Variants in KNTC1 observed in about 807,000 individuals in gnomAD.
The protein encoded by KNTC1 is kinetochore associated 1, also known as kinetochore-associated protein 1.
KNTC1 carries 253 observed loss-of-function variants against 314.4 expected under a neutral mutation model. The ratio of observed to expected loss-of-function variants is 0.80; its 90% CI spans 0.73 to 0.89. KNTC1 has a LOEUF of 0.89. Ranked by LOEUF, KNTC1 falls within the 40% of genes least tolerant of loss-of-function variation. The pLI is 0.00. For synonymous variants in KNTC1, 901 were observed against 901.4 expected, an observed-to-expected ratio of 1.00 and a Z score of 0.01; for missense variants, 2,475 against 2,572.9, an observed-to-expected ratio of 0.96 and a Z score of 0.82.
At chr12:122,596,389 T>C (rs1871057899) in intron 43 of KNTC1, among the ~76,000 whole-genome samples, 1 of 151,980 alleles carries the variant, frequency 6.6e-6, no homozygotes, top group Non-Finnish European at 1.5e-5. Context: ...GGCCTAATTT[T>C]TGTATTTTTG....
chr12:122,574,831 AC>A (rs1180363853), intron 27 of KNTC1, among the ~76,000 whole-genome samples: 1 of 152,246 alleles, frequency 6.6e-6, no homozygotes, highest in Non-Finnish European at 1.5e-5. Context: ...GGTTATGCAA[AC>A]ATGGAGACTT....
chr12:122,537,821 A>G (rs930259917), intron 3 of KNTC1, among the ~76,000 whole-genome samples: 24 of 152,108 alleles, frequency 1.6e-4, no homozygotes, highest in African/African-American at 5.8e-4. Context: ...AGTTTACCAT[A>G]TAGTAAGTGC....
In KNTC1 at chr12:122,613,753, G is replaced by A. The variant is rs759532010; in HGVS notation, c.5869G>A (p.Glu1957Lys). 2.6e-5 allele frequency: 42 copies of A among 1,609,160 alleles called. No homozygotes were observed. Among genetic ancestry groups the A allele is most frequent in the South Asian group, 3.3e-5 (3 of 89,930 alleles). Residue 1957 changes from glutamate (E) to lysine (K), a missense_variant, in exon 55 of 64, where the codon GAG becomes AAG. Coordinates refer to ENST00000333479, the MANE Select transcript of KNTC1 (RefSeq NM_014708.6). ...GGGTCTGTGGAAAAACCACAGCCAC[G>A]AGTCCATGGTAGGTACACCTCACTG... ...IKGLWKNHSH[E>K]SMAVRLVTEL... is the part of the protein sequence containing the mutation.
intron 57 of KNTC1, among the ~76,000 whole-genome samples, chr12:122,616,083 G>A (rs1487651393): frequency 6.6e-6 from 1 of 152,014 alleles, no homozygotes; most frequent in Non-Finnish European, 1.5e-5. Flanking sequence ...CACATAAGTT[G>A]TGTACCCATA....
rs774374096 is a variant in KNTC1, at chr12:122,601,607, CAATATT to C, written c.4645_4650del (p.Ile1549_Asn1550del). 22 of 1,526,742 alleles carry C rather than the reference CAATATT, an allele frequency of 1.4e-5. No individual in the cohort carries two copies. The South Asian group carries it at 2.7e-4, about 19-fold the overall frequency. 94.6% of individuals were successfully genotyped at this position (1,526,742 alleles called of 1,614,324 possible). On this transcript the variant is annotated inframe_deletion, in exon 45 of 64. Coordinates refer to ENST00000333479, the MANE Select transcript of KNTC1 (RefSeq NM_014708.6). ...TAGAACGAGCTGATGAAAAGATAAC[CAATATT>C]AATATTAATCAGGTATAACAAATAT...
At position 122,609,375 on chromosome 12, in the gene KNTC1, T is replaced by A. The variant is rs1353732862; in HGVS notation, c.5497-9T>A. On this transcript the variant is annotated splice_polypyrimidine_tract_variant and intron_variant, in intron 51 of 63. Coordinates refer to ENST00000333479, the MANE Select transcript of KNTC1 (RefSeq NM_014708.6). ...CAGTTTTTGACCTTTTTTTCCTACC[T>A]TTTCAAAGAAACCATCAGAATTATT... The A allele has an allele frequency of 6.4e-7, 1 of 1,563,366 alleles. No individual in the cohort carries two copies.
intron 1 of KNTC1, among the ~76,000 whole-genome samples, chr12:122,528,159 T>A (rs1443003508): frequency 6.6e-6 from 1 of 152,166 alleles, no homozygotes; most frequent in East Asian, 1.9e-4. Flanking sequence ...AATAAGTAAA[T>A]ATGGCAGTTA....
At chr12:122,598,425 T>TC (rs1311951332) in intron 44 of KNTC1, among the ~76,000 whole-genome samples, 32 of 146,830 alleles carry the variant, frequency 2.2e-4, no homozygotes, top group African/African-American at 6.0e-4. Context: ...TCTTTTCTTT[T>TC]TTTTTTTTTT....
chr12:122,536,088 A>G (rs1961797663), intron 3 of KNTC1, among the ~76,000 whole-genome samples: 1 of 145,562 alleles, frequency 6.9e-6, no homozygotes, highest in South Asian at 2.2e-4. Flanking sequence ...TTTTTTTAGT[A>G]GAGACAGCAT....
chr12:122,622,576 G>A lies in KNTC1; in HGVS notation c.6484G>A (p.Glu2162Lys). 6.4e-7 allele frequency: 1 copy of A among 1,558,090 alleles called. No individual in the cohort carries two copies. Among genetic ancestry groups the A allele is most frequent in the Non-Finnish European group, 8.7e-7 (1 of 1,150,764 alleles). ...TGCGATGAATACCAACAATATCACT[G>A]AGCTAGTGAACTATTTGGCAAATGA... ...MHAMNTNNIT[E>K]LVNYLANDLS... is the part of the protein sequence containing the mutation. The change falls in exon 62 of 64, where the codon GAG (glutamate) becomes AAG (lysine). Residue 2162 changes from glutamate to lysine, a missense_variant. Coordinates refer to ENST00000333479, the MANE Select transcript of KNTC1 (RefSeq NM_014708.6).
chr12:122,559,076 C>T (rs1025629468), intron 18 of KNTC1, among the ~76,000 whole-genome samples: 7 of 151,986 alleles, frequency 4.6e-5, no homozygotes, highest in Non-Finnish European at 7.4e-5. Flanking sequence ...GGGCTGGGCA[C>T]GTTGTTTCAC....
At chr12:122,623,627 C>T (rs781001129) in intron 62 of KNTC1, among the ~76,000 whole-genome samples, 4 of 152,174 alleles carry the variant, frequency 2.6e-5, no homozygotes, top group Non-Finnish European at 5.9e-5. Flanking sequence ...TCACCACAAT[C>T]AAGAGAGTGA....
Position 122,602,812 on chromosome 12 carries a change from C to A in KNTC1, c.4826-17C>A, listed in dbSNP as rs1417553284. On this transcript the variant is annotated splice_polypyrimidine_tract_variant and intron_variant, in intron 46 of 63. Coordinates refer to ENST00000333479, the MANE Select transcript of KNTC1 (RefSeq NM_014708.6). ...TTTTTTCTTAAGCAAATCGTACTTT[C>A]CTTGTTTCCTTTCTAGCTACAGAAC... 2 of 1,611,768 alleles carry A rather than the reference C, an allele frequency of 1.2e-6. No individual in the cohort carries two copies. Among genetic ancestry groups the A allele is most frequent in the African/African-American group, 2.7e-5 (2 of 74,774 alleles).
rs1417899482 is a variant in KNTC1 at position 122,597,781 on chromosome 12, T to C, written c.4406T>C (p.Leu1469Pro). 1.2e-6 allele frequency: 2 copies of C among 1,613,888 alleles called. No homozygotes were observed. The highest frequency in any genetic ancestry group is 2.7e-5 in the African/African-American group (2 of 74,938). ...GTTCTTCAGCTCTTCATTGAAACGC[T>C]GCTCCACAACACAAATGCCGGCCAA... is the stretch of plus-strand genomic sequence containing the variant. ...DAVLQLFIET[L>P]LHNTNAGQGQ... The change falls in exon 44 of 64, where the codon CTG becomes CCG. Residue 1469 changes from leucine (L) to proline (P), a missense_variant. By Grantham distance (98) the Leu-to-Pro change is moderately conservative. Transcript: ENST00000333479.
Position 122,622,554 on chromosome 12 carries a change from G to A in KNTC1, c.6462G>A (p.Ala2154=), listed in dbSNP as rs538519234. 1.1e-5 allele frequency: 17 copies of A among 1,571,762 alleles called. No individual in the cohort carries two copies. Among genetic ancestry groups the A allele is most frequent in the South Asian group, 5.8e-5 (5 of 85,702 alleles). ...ACTTTCAAATGTTGAAGATGCATGCGATGAATACCAACAATATCACTGAGC... is the reference window on the plus strand; with the variant it reads ...ACTTTCAAATGTTGAAGATGCATGCAATGAATACCAACAATATCACTGAGC... ...TKYFQMLKMH[A]MNTNNITELV... Residue 2154 remains alanine, a synonymous_variant, in exon 62 of 64, where the codon GCG becomes GCA. Transcript: ENST00000333479.
Position 122,575,528 on chromosome 12 carries a change from G to C in KNTC1, c.2383-15G>C, listed in dbSNP as rs867058564. On this transcript the variant is annotated splice_polypyrimidine_tract_variant and intron_variant, in intron 27 of 63. Transcript: ENST00000333479. ...CCTGAGGGCTGTTCCTTGTCCATGC[G>C]TGCATCTTTTGTAGCTCATATTTGA... The C allele has an allele frequency of 3.9e-6, 6 of 1,557,470 alleles. No homozygotes were observed. The highest frequency in any genetic ancestry group is 5.2e-6 in the Non-Finnish European group (6 of 1,145,340).
Position 122,539,738 on chromosome 12 carries a change from G to A in KNTC1, c.429G>A (p.Lys143=). The part of the protein sequence containing the change: ...RRTYQNLVIE[K]DGSNEGTYYM... ...CTTACCAGAATCTTGTCATTGAGAA[G>A]GATGGTTCAAATGAAGGTAAGTTTT... The change falls in exon 5 of 64, where the codon AAG becomes AAA. Residue 143 remains lysine (K), a synonymous_variant. Transcript: ENST00000333479. 6.4e-7 allele frequency: 1 copy of A among 1,566,268 alleles called. No homozygotes were observed. Among genetic ancestry groups the A allele is most frequent in the Non-Finnish European group, 8.7e-7 (1 of 1,155,678 alleles).
At chr12:122,605,671 G>A (rs749121437) in intron 51 of KNTC1, among the ~76,000 whole-genome samples, 3 of 151,912 alleles carry the variant, frequency 2.0e-5, no homozygotes, top group African/African-American at 4.8e-5. Flanking sequence ...TCAGCCTCCC[G>A]AGTAGCTGGG....
At chr12:122,587,645 T>G in intron 38 of KNTC1, 66 bp from the exon 39 acceptor site, 1 of 1,343,318 alleles carries the variant, frequency 7.4e-7, no homozygotes, top group Non-Finnish European at 1.0e-6. Context: ...CTGAAAACAG[T>G]TTTCAATAAT....
Sources: gnomAD v4.1 joint callset for allele counts (sites outside exome capture counted in the v4.1 genomes callset) on GRCh38, gnomAD v4.1.1 for gene constraint, MANE v1.5 for transcripts, NCBI Gene and HGNC (gene_info 2026-07-23, HGNC 2026-07-21) for gene names.